Variants in SNX29 observed in about 807,000 individuals in gnomAD.
SNX29 encodes sorting nexin-29.
Under a neutral mutation model 102.1 loss-of-function variants are expected in SNX29, and 78 were observed. That is an observed-to-expected ratio of 0.76 (90% CI 0.64 to 0.92). SNX29 has a LOEUF of 0.92. Ranked by LOEUF, SNX29 falls within the 40% of genes least tolerant of loss-of-function variation. The pLI is 0.00. For synonymous variants in SNX29, 580 were observed against 414.5 expected (o/e 1.40, Z -4.85); for missense variants, 1,280 against 1,061.7 (o/e 1.21, Z -2.86).
chr16:12,000,637 C>G (rs2056254832), intron 2 of SNX29: 1 of 153,028 alleles, frequency 6.5e-6, no homozygotes, highest in South Asian at 2.1e-4. Context: ...AATCCTCCCA[C>G]CTTAGCCTCC....
chr16:11,982,574 C>T lies in SNX29; in HGVS notation c.7+5761C>T, dbSNP rs534509242. The stretch of plus-strand genomic sequence containing the variant: ...CCTCCCGAGTAGCTGGGACTACAGG[C>T]GCTTGCAACCACGCCCAGCTAATTT... On this transcript the variant is annotated intron_variant, in intron 1 of 20. Coordinates refer to ENST00000566228, the MANE Select transcript of SNX29 (RefSeq NM_032167.5). Among the ~76,000 whole-genome samples, 7 of 152,072 alleles carry T rather than the reference C, an allele frequency of 4.6e-5. No homozygotes were observed. In the South Asian group the frequency reaches 8.3e-4, roughly 18 times the overall value.
At chr16:12,533,082 C>G (rs980355080) in intron 20 of SNX29, among the ~76,000 whole-genome samples, 1 of 152,206 alleles carries the variant, frequency 6.6e-6, no homozygotes, top group Non-Finnish European at 1.5e-5. Context: ...CCACAGCCCA[C>G]ATCACACCTC....
chr16:12,540,278 C>G (rs1030193002), intron 20 of SNX29, among the ~76,000 whole-genome samples: 10 of 152,148 alleles, frequency 6.6e-5, no homozygotes, highest in African/African-American at 1.9e-4. Flanking sequence ...GGAGGGAGGA[C>G]AGGACTAGAG....
chr16:12,059,162 G>A (rs1158403109), intron 8 of SNX29, among the ~76,000 whole-genome samples: 3 of 152,118 alleles, frequency 2.0e-5, no homozygotes, highest in East Asian at 1.9e-4. Context: ...GCTTCACCTT[G>A]TACTTGCATA....
chr16:12,213,184 C>T (rs553426352), intron 14 of SNX29, among the ~76,000 whole-genome samples: 129 of 152,264 alleles, frequency 8.5e-4, no homozygotes, highest in African/African-American at 3.0e-3. Flanking sequence ...TCTTTTGCAG[C>T]CACTTGGATG....
intron 18 of SNX29, among the ~76,000 whole-genome samples, chr16:12,424,163 C>T (rs548405360): frequency 7.9e-5 from 12 of 152,330 alleles, no homozygotes; most frequent in Non-Finnish European, 1.8e-4. Context: ...AATTTCTCTT[C>T]CCAGGTAGCA....
chr16:12,420,409 T>G (rs1395531926), intron 18 of SNX29, among the ~76,000 whole-genome samples: 4 of 152,218 alleles, frequency 2.6e-5, no homozygotes, highest in Non-Finnish European at 5.9e-5. Context: ...ATCAGGGTGT[T>G]TCATCTTCTC....
chr16:12,355,423 T>G (rs1222745222), intron 15 of SNX29, among the ~76,000 whole-genome samples: 1 of 152,096 alleles, frequency 6.6e-6, no homozygotes, highest in African/African-American at 2.4e-5. Context: ...AGTGCTTAGG[T>G]GAGTCCTGGG....
intron 1 of SNX29, chr16:11,977,497 T>A (rs2055329608): frequency 6.6e-6 from 1 of 152,450 alleles, no homozygotes; most frequent in Non-Finnish European, 1.5e-5. Context: ...TCCATCCTTG[T>A]CCATGTCTTA....
At chr16:12,065,126 T>A (rs2050970763) in intron 9 of SNX29, among the ~76,000 whole-genome samples, 1 of 152,158 alleles carries the variant, frequency 6.6e-6, no homozygotes, top group Admixed American at 6.6e-5. Flanking sequence ...AAGAGATAAC[T>A]CTGTGGTTTA....
chr16:12,172,342 G>T (rs2076167432), intron 13 of SNX29, among the ~76,000 whole-genome samples: 1 of 152,202 alleles, frequency 6.6e-6, no homozygotes, highest in East Asian at 1.9e-4. Context: ...CAAGGTGTCA[G>T]TGCAGGGCTG....
chr16:12,450,345 T>G lies in SNX29; in HGVS notation c.2038-27374T>G, dbSNP rs367839479. On this transcript the variant is annotated intron_variant, in intron 18 of 20. Coordinates refer to ENST00000566228, the MANE Select transcript of SNX29 (RefSeq NM_032167.5). ...TGGTGGGGCTGTTCTAGCTTTTGTT[T>G]GGGCACATTCTCAAACAGCCTTTCT... 6.6e-5 allele frequency among the ~76,000 whole-genome samples: 10 copies of G among 152,314 alleles called. No homozygotes were observed. In the East Asian group the frequency reaches 1.4e-3, roughly 21 times the overall value.
intron 14 of SNX29, among the ~76,000 whole-genome samples, chr16:12,228,831 C>G (rs1039785855): frequency 2.0e-5 from 3 of 152,232 alleles, no homozygotes; most frequent in African/African-American, 7.2e-5. Context: ...CTTGATTTGC[C>G]TGAGGCCACA....
chr16:12,423,840 G>C (rs576061811), intron 18 of SNX29, among the ~76,000 whole-genome samples: 1 of 152,322 alleles, frequency 6.6e-6, no homozygotes, highest in South Asian at 2.1e-4. Flanking sequence ...CCAAAGTGTT[G>C]GGATTACAGG....
At chr16:11,999,489 T>C (rs1463716771) in intron 2 of SNX29, 131 bp downstream of exon 2, 5 of 892,164 alleles carry the variant, frequency 5.6e-6, no homozygotes, top group Non-Finnish European at 8.5e-6. Context: ...AGTGATCTAC[T>C]CATTTTTCCC....
intron 20 of SNX29, chr16:12,526,935 A>G (rs1300083607): frequency 5.1e-6 from 2 of 389,912 alleles, no homozygotes; most frequent in East Asian, 8.7e-5. Context: ...GGAGAGAGAA[A>G]CCTTTTGTGC....
At chr16:12,234,891 A>G (rs1027901781) in intron 14 of SNX29, among the ~76,000 whole-genome samples, 5 of 152,068 alleles carry the variant, frequency 3.3e-5, no homozygotes, top group African/African-American at 1.2e-4. Flanking sequence ...TTTGGGTCTC[A>G]GCTCCCTACC....
chr16:12,221,600 C>T (rs967542793), intron 14 of SNX29, among the ~76,000 whole-genome samples: 2 of 152,158 alleles, frequency 1.3e-5, no homozygotes, highest in Admixed American at 1.3e-4. Flanking sequence ...GGCAACAGAG[C>T]AAGACTGTCT....
intron 16 of SNX29, among the ~76,000 whole-genome samples, chr16:12,366,252 G>T (rs1469035086): frequency 6.6e-6 from 1 of 152,112 alleles, no homozygotes; most frequent in Non-Finnish European, 1.5e-5. Flanking sequence ...TCTCCAAAGG[G>T]ATGGGCTAGG....
Sources: gnomAD v4.1 joint callset for allele counts (sites outside exome capture counted in the v4.1 genomes callset) on GRCh38, gnomAD v4.1.1 for gene constraint, MANE v1.5 for transcripts, NCBI Gene and HGNC (gene_info 2026-07-23, HGNC 2026-07-21) for gene names.